RMDN2: variants seen among roughly 807,000 people sequenced by gnomAD.
RMDN2 encodes regulator of microtubule dynamics protein 2.
Under a neutral mutation model 52.8 loss-of-function variants are expected in RMDN2, and 61 were observed. The observed-to-expected ratio is 1.16, with a 90% confidence interval of 0.94 to 1.43. RMDN2 has a LOEUF of 1.43. Ranked by LOEUF, RMDN2 falls within the 40% of genes most tolerant of loss-of-function variation. RMDN2 has a pLI of 0.00. For missense variants in RMDN2, 592 were observed against 475.3 expected, an observed-to-expected ratio of 1.25 and a Z score of -2.28; for synonymous variants, 180 against 153.1, an observed-to-expected ratio of 1.18 and a Z score of -1.30.
At chr2:37,926,947 G>GT (rs1233045761) in intron 1 of RMDN2, among the ~76,000 whole-genome samples, 1 of 151,816 alleles carries the variant, frequency 6.6e-6, no homozygotes, top group Non-Finnish European at 1.5e-5. Flanking sequence ...AAAAAGCTAT[G>GT]TAAATGACTT....
rs145655316 is a variant in RMDN2, at chr2:37,951,542, T to C, written c.452+21813T>C. ...CTGAAGAAGACACAGGCTTCACTGA[T>C]ATAAAATCTTCCTCAGACCATTGTG... is the stretch of plus-strand genomic sequence containing the variant. On this transcript the variant is annotated intron_variant, in intron 2 of 10. Coordinates refer to ENST00000354545, the MANE Select transcript of RMDN2 (RefSeq NM_001170791.3). 3 of 1,612,534 alleles carry C rather than the reference T, an allele frequency of 1.9e-6. No individual in the cohort carries two copies. The East Asian group carries it at 6.7e-5, about 36-fold the overall frequency.
rs1672319445 is a variant in RMDN2, at chr2:37,975,275, T to C, written c.691T>C (p.Ser231Pro). ...ARAYGDMYELSTNTQEKKHYA... is the reference protein window; with the variant it reads ...ARAYGDMYELPTNTQEKKHYA... ...TGCTTATGGAGACATGTATGAACTATCTACAAACACACAAGAAAAGAAACA... is the reference window on the plus strand; with the variant it reads ...TGCTTATGGAGACATGTATGAACTACCTACAAACACACAAGAAAAGAAACA... The change falls in exon 4 of 11, where the codon TCT becomes CCT. Residue 231 changes from serine to proline, a missense_variant. Ser to Pro is a moderately conservative substitution (Grantham distance 74, BLOSUM62 -1). Transcript: ENST00000354545. The C allele has an allele frequency of 6.2e-7, 1 of 1,608,716 alleles. No individual in the cohort carries two copies.
intron 10 of RMDN2, 25 bp downstream of exon 10, chr2:38,004,241 T>C (rs1266375069): frequency 1.4e-5 from 22 of 1,520,770 alleles, no homozygotes; most frequent in Non-Finnish European, 2.0e-5. Context: ...TGACAGTGAG[T>C]GCTGTTGTCT....
At chr2:37,999,840 G>A (rs1420920037) in intron 8 of RMDN2, among the ~76,000 whole-genome samples, 2 of 152,130 alleles carry the variant, frequency 1.3e-5, no homozygotes, top group East Asian at 3.9e-4. Context: ...GAGAACACTA[G>A]GTTTGGAGTT....
intron 10 of RMDN2, among the ~76,000 whole-genome samples, chr2:38,028,893 G>A (rs1246597016): frequency 6.6e-6 from 1 of 152,136 alleles, no homozygotes; most frequent in Non-Finnish European, 1.5e-5. Flanking sequence ...GCCAGCTGAT[G>A]CGGAGGTTGG....
intron 2 of RMDN2, among the ~76,000 whole-genome samples, chr2:37,934,800 T>G (rs1409879854): frequency 6.6e-6 from 1 of 152,158 alleles, no homozygotes; most frequent in Non-Finnish European, 1.5e-5. Context: ...AACTTTTCAG[T>G]TCCTTTTATT....
chr2:38,047,471 A>G (rs907828224), intron 10 of RMDN2, among the ~76,000 whole-genome samples: 2 of 152,246 alleles, frequency 1.3e-5, no homozygotes, highest in African/African-American at 4.8e-5. Flanking sequence ...TACAAAGTAG[A>G]TGACTCTTCC....
intron 2 of RMDN2, among the ~76,000 whole-genome samples, chr2:37,943,064 C>T (rs151184488): frequency 1.3e-5 from 2 of 152,304 alleles, no homozygotes; most frequent in African/African-American, 2.4e-5. Flanking sequence ...ACATGCCACC[C>T]ATGAAAGGAA....
At chr2:37,970,482 G>A (rs1190407199) in intron 2 of RMDN2, among the ~76,000 whole-genome samples, 1 of 151,932 alleles carries the variant, frequency 6.6e-6, no homozygotes, top group Non-Finnish European at 1.5e-5. Flanking sequence ...GTGTAAGATT[G>A]GCCTATAATT....
At chr2:38,016,679 C>T (rs890759946) in intron 10 of RMDN2, among the ~76,000 whole-genome samples, 7 of 152,170 alleles carry the variant, frequency 4.6e-5, no homozygotes, top group Admixed American at 1.3e-4. Context: ...AAGTTTCCAT[C>T]TATCTGAAAG....
intron 2 of RMDN2, among the ~76,000 whole-genome samples, chr2:37,947,559 A>G (rs1668321340): frequency 6.6e-6 from 1 of 152,196 alleles, no homozygotes; most frequent in South Asian, 2.1e-4. Context: ...TTGTAATGAA[A>G]GGAAATACAA....
At chr2:37,928,339 A>G (rs74802833) in intron 1 of RMDN2, among the ~76,000 whole-genome samples, 26,252 of 152,246 alleles carry the variant, frequency 0.17, 2,651 homozygotes, top group Non-Finnish European at 0.23. Flanking sequence ...TAACCAGTAG[A>G]CCACCAAGGA....
At chr2:37,929,842 A>G in intron 2 of RMDN2, 113 bp downstream of exon 2, 1 of 675,746 alleles carries the variant, frequency 1.5e-6, no homozygotes, top group Non-Finnish European at 2.4e-6. Flanking sequence ...ACATAAAATG[A>G]AAAGGAGTGA....
intron 2 of RMDN2, among the ~76,000 whole-genome samples, chr2:37,943,954 A>G (rs1668009551): frequency 6.6e-6 from 1 of 152,148 alleles, no homozygotes; most frequent in South Asian, 2.1e-4. Context: ...TGGTCATGCC[A>G]ACAGGTGAAG....
chr2:37,971,585 G>A (rs906768550), intron 2 of RMDN2, among the ~76,000 whole-genome samples: 3 of 151,882 alleles, frequency 2.0e-5, no homozygotes, highest in Non-Finnish European at 4.4e-5. Context: ...TTTTTCCATA[G>A]AGATAACAAT....
chr2:37,954,546 C>A (rs1020390152), intron 2 of RMDN2, among the ~76,000 whole-genome samples: 4 of 152,074 alleles, frequency 2.6e-5, no homozygotes, highest in African/African-American at 9.7e-5. Flanking sequence ...CATTTTCTTT[C>A]ACCAGCCTAT....
Position 37,997,549 on chromosome 2 carries a change from C to T in RMDN2, c.1044+35C>T, listed in dbSNP as rs776873416. The T allele has an allele frequency of 2.3e-6, 3 of 1,311,460 alleles. No individual in the cohort carries two copies. In the South Asian group the frequency reaches 3.5e-5, roughly 15 times the overall value. The allele number at this position is 1,311,460 out of a possible 1,614,324, so 81.2% of individuals were successfully genotyped here. ...GTGTATCCATTATTTTAGTGTCAGA[C>T]TGATTACCATCTGCACCAATCCCTG... On this transcript the variant is annotated intron_variant, in intron 8 of 10. Transcript: ENST00000354545.
At chr2:37,941,870 C>T (rs1667818116) in intron 2 of RMDN2, among the ~76,000 whole-genome samples, 1 of 151,932 alleles carries the variant, frequency 6.6e-6, no homozygotes, top group Non-Finnish European at 1.5e-5. Flanking sequence ...CACTTTGCTC[C>T]CTGGCTTCAG....
intron 10 of RMDN2, among the ~76,000 whole-genome samples, chr2:38,022,848 T>G (rs1573150732): frequency 6.6e-6 from 1 of 152,360 alleles, no homozygotes; most frequent in East Asian, 1.9e-4. Flanking sequence ...ACTAAACTTC[T>G]CATTTTTACC....
Sources: allele counts gnomAD v4.1 joint callset (sites outside exome capture counted in the v4.1 genomes callset), GRCh38; gene constraint gnomAD v4.1.1; transcripts MANE v1.5; gene names NCBI Gene and HGNC (gene_info 2026-07-23, HGNC 2026-07-21).